The following ZNF710 variants were observed in gnomAD, a reference collection of about 807,000 sequenced individuals.
The protein encoded by ZNF710 is zinc finger protein 710.
Under a neutral mutation model 50.6 loss-of-function variants are expected in ZNF710, and 13 were observed. The observed-to-expected ratio is 0.26, with a 90% confidence interval of 0.17 to 0.41. The LOEUF (loss-of-function observed/expected upper bound fraction) is 0.41, where lower values mean the gene tolerates loss of function less well. ZNF710 is among the 10% of genes least tolerant of loss of function. The probability of loss-of-function intolerance (pLI) is 1.00; values close to 1 mark genes in which losing one functional copy is unlikely to be tolerated. For synonymous variants in ZNF710, 383 were observed against 397.0 expected, an observed-to-expected ratio of 0.96 and a Z score of 0.42; for missense variants, 721 against 936.6, an observed-to-expected ratio of 0.77 and a Z score of 3.01.
At position 90,073,087 on chromosome 15, in the gene ZNF710, A is replaced by G; in HGVS notation, c.1475A>G (p.Lys492Arg). The change falls in exon 3 of 5, where the codon AAG becomes AGG. Residue 492 changes from lysine to arginine, a missense_variant. Lys to Arg is a conservative substitution (Grantham distance 26). Transcript: ENST00000268154. ...ACCCCACAGGGCGTGAAGGAGTTCA[A>G]GTGCGAGGTGTGTGGCCGGGAGTTC... ...SLTHKGVKEFKCEVCGREFTL... is the reference protein window; with the variant it reads ...SLTHKGVKEFRCEVCGREFTL... The G allele has an allele frequency of 4.3e-6, 7 of 1,613,940 alleles. No homozygotes were observed. The highest frequency in any genetic ancestry group is 1.3e-5 in the African/African-American group (1 of 75,054).
At chr15:90,039,684 T>TGTCACTGG (rs1289266566) in intron 1 of ZNF710, among the ~76,000 whole-genome samples, 2 of 152,130 alleles carry the variant, frequency 1.3e-5, no homozygotes, top group African/African-American at 4.8e-5. Context: ...GGCCATAAAC[T>TGTCACTGG]GTCACTGGGT....
intron 1 of ZNF710, among the ~76,000 whole-genome samples, chr15:90,055,090 C>T (rs1899770421): frequency 6.6e-6 from 1 of 152,126 alleles, no homozygotes; most frequent in African/African-American, 2.4e-5. Flanking sequence ...AACTGGGATG[C>T]CAGAATCTAA....
chr15:90,004,963 T>C (rs569139119), intron 1 of ZNF710, among the ~76,000 whole-genome samples: 4 of 152,340 alleles, frequency 2.6e-5, no homozygotes, highest in Admixed American at 2.6e-4. Flanking sequence ...GAGAAGCAGT[T>C]TAGTCATCGG....
At chr15:90,041,138 GT>G (rs543426064) in intron 1 of ZNF710, among the ~76,000 whole-genome samples, 126 of 147,942 alleles carry the variant, frequency 8.5e-4, no homozygotes, top group African/African-American at 3.1e-3. Context: ...GATCAATTCT[GT>G]TTTTTTTTTC....
chr15:90,025,980 A>G (rs1898763123), intron 1 of ZNF710: 1 of 152,128 alleles, frequency 6.6e-6, no homozygotes, highest in South Asian at 2.1e-4. Context: ...AAATGCTTTT[A>G]TTATTAAAAA....
At chr15:90,056,677 A>C (rs9944277) in intron 1 of ZNF710, among the ~76,000 whole-genome samples, 24,840 of 152,154 alleles carry the variant, frequency 0.16, 2,786 homozygotes, top group African/African-American at 0.31. Flanking sequence ...GTGAGCTGCG[A>C]GGTGGGAGGA....
intron 1 of ZNF710, among the ~76,000 whole-genome samples, chr15:90,038,729 G>GTC (rs1899206669): frequency 6.7e-6 from 1 of 148,434 alleles, no homozygotes; most frequent in African/African-American, 2.6e-5. Flanking sequence ...GTGTGTGTGT[G>GTC]TGTGTGTGTG....
chr15:90,038,133 C>T (rs945740967), intron 1 of ZNF710, among the ~76,000 whole-genome samples: 2 of 152,198 alleles, frequency 1.3e-5, no homozygotes, highest in East Asian at 3.8e-4. Flanking sequence ...CCCCAGTGTA[C>T]GGTCCAAATA....
chr15:90,072,847 T>C (rs1377213967), intron 2 of ZNF710, among the ~76,000 whole-genome samples: 1 of 152,210 alleles, frequency 6.6e-6, no homozygotes, highest in Admixed American at 6.5e-5. Flanking sequence ...GCACAGCCTA[T>C]TTCTATTACT....
At chr15:90,026,986 A>G (rs910889263) in intron 1 of ZNF710, among the ~76,000 whole-genome samples, 7 of 152,216 alleles carry the variant, frequency 4.6e-5, no homozygotes, top group Non-Finnish European at 8.8e-5. Flanking sequence ...CATCACCATC[A>G]CTATTTAACA....
intron 1 of ZNF710, among the ~76,000 whole-genome samples, chr15:90,044,473 C>G (rs938722995): frequency 1.3e-5 from 2 of 152,202 alleles, no homozygotes; most frequent in Non-Finnish European, 2.9e-5. Flanking sequence ...GGACCGACAG[C>G]TGAGCTGGAT....
At chr15:90,011,059 T>G (rs1013707112) in intron 1 of ZNF710, among the ~76,000 whole-genome samples, 1 of 149,836 alleles carries the variant, frequency 6.7e-6, no homozygotes, top group African/African-American at 2.4e-5. Flanking sequence ...GCCTCCCAAA[T>G]AGCTGGGATT....
intron 1 of ZNF710, among the ~76,000 whole-genome samples, chr15:90,057,199 G>C (rs957228063): frequency 6.6e-6 from 1 of 152,160 alleles, no homozygotes; most frequent in East Asian, 1.9e-4. Context: ...GGGATGGGGA[G>C]GGCCAGGCCA....
intron 1 of ZNF710, among the ~76,000 whole-genome samples, chr15:90,058,719 ACAC>A (rs1899909158): frequency 7.3e-6 from 1 of 136,462 alleles, no homozygotes; most frequent in African/African-American, 3.7e-5. Context: ...ATATATATAT[ACAC>A]ACATATACAC....
At chr15:90,012,877 C>T (rs1427547318) in intron 1 of ZNF710, among the ~76,000 whole-genome samples, 1 of 151,836 alleles carries the variant, frequency 6.6e-6, no homozygotes, top group Non-Finnish European at 1.5e-5. Context: ...TTCAAATATG[C>T]TCGGTCTTTT....
At chr15:89,998,589 G>A (rs548983858), upstream of ZNF710, among the ~76,000 whole-genome samples, 1 of 152,160 alleles carries the variant, frequency 6.6e-6, no homozygotes, top group Non-Finnish European at 1.5e-5. Flanking sequence ...AACCCTGAAC[G>A]TAATCTTATT....
intron 1 of ZNF710, 84 bp downstream of exon 1, chr15:90,001,698 C>T (rs1178382978): frequency 7.0e-6 from 1 of 142,414 alleles, no homozygotes; most frequent in Non-Finnish European, 1.6e-5. Context: ...GCGCGGGGGG[C>T]GCGGGGGTGG....
chr15:90,067,341 G>A lies in ZNF710; in HGVS notation c.204G>A (p.Gln68=), dbSNP rs1259397001. The A allele has an allele frequency of 1.2e-6, 2 of 1,601,886 alleles. No individual in the cohort carries two copies. The highest frequency in any genetic ancestry group is 1.7e-5 in the Admixed American group (1 of 57,954). The change falls in exon 2 of 5, where the codon CAG becomes CAA. Residue 68 remains glutamine, a synonymous_variant. Transcript: ENST00000268154. This position sits in a 1 kb window ranked among gnomAD's most constrained non-coding sequence, Gnocchi z 8.1. ...EPEPPGPDVY[Q]LACNGRALEE... ...AGCCACCAGGCCCCGACGTCTACCA[G>A]CTGGCCTGCAACGGGAGGGCCTTGG... is the stretch of plus-strand genomic sequence containing the variant.
intron 1 of ZNF710, among the ~76,000 whole-genome samples, chr15:90,061,873 C>G (rs1900017597): frequency 6.6e-6 from 1 of 152,166 alleles, no homozygotes; most frequent in South Asian, 2.1e-4. Context: ...ACTTGCCCAG[C>G]CTTTACAGGA....
Sources: allele counts gnomAD v4.1 joint callset (sites outside exome capture counted in the v4.1 genomes callset), GRCh38; gene constraint gnomAD v4.1.1; non-coding constraint Gnocchi (gnomAD v3.1); transcripts MANE v1.5; gene names NCBI Gene and HGNC (gene_info 2026-07-23, HGNC 2026-07-21).